Variants in DST observed in about 807,000 individuals in gnomAD.
DST encodes the protein bullous pemphigoid antigen.
Under a neutral mutation model 875.2 loss-of-function variants are expected in DST, and 253 were observed. The observed-to-expected ratio is 0.29, with a 90% CI of 0.26 to 0.32. The LOEUF is 0.32. DST is among the 10% of genes least tolerant of loss of function. DST has a pLI of 1.00. For missense variants in DST, 8,287 were observed against 9,111.6 expected (o/e 0.91, Z 3.68); for synonymous variants, 3,124 against 3,197.1 (o/e 0.98, Z 0.77).
chr6:56,932,743 T>G (rs1399978230), intron 2 of DST, among the ~76,000 whole-genome samples: 6 of 151,714 alleles, frequency 4.0e-5, no homozygotes, highest in Non-Finnish European at 8.8e-5. Context: ...TGCCTTGGTG[T>G]GTAAATCCCC....
Position 56,738,562 on chromosome 6 carries a change from G to A in DST, c.626-3273C>T, listed in dbSNP as rs928460789. Among the ~76,000 whole-genome samples the A allele has an allele frequency of 3.9e-5, 6 of 152,042 alleles. No individual in the cohort carries two copies. The East Asian group carries it at 9.7e-4, about 25-fold the overall frequency. ...GTCTCAATCTCCTGACCTCGTGATC[G>A]GCCCGCCTCAGCCTCCCAAAGTGCT... On this transcript the variant is annotated intron_variant, in intron 4 of 103. Transcript: ENST00000680361.
chr6:56,464,769 A>G lies in DST; in HGVS notation c.22688-13T>C, dbSNP rs758794693. ...CCATGATGATGAACTAGAAAAAATG[A>G]CACAGGATACCAATCACATTAAAGA... On this transcript the variant is annotated splice_polypyrimidine_tract_variant and intron_variant, in intron 99 of 103. Transcript: ENST00000680361. The G allele has an allele frequency of 2.5e-5, 39 of 1,571,806 alleles. No homozygotes were observed. The highest frequency in any genetic ancestry group is 3.3e-5 in the Non-Finnish European group (38 of 1,152,556).
At chr6:56,619,961 T>C in intron 36 of DST, 1 of 1,614,138 alleles carries the variant, frequency 6.2e-7, no homozygotes, top group Non-Finnish European at 8.5e-7. Context: ...TGCTTTCTGC[T>C]TGTCATGTTC....
At chr6:56,916,755 C>CTA (rs1801174571) in intron 2 of DST, among the ~76,000 whole-genome samples, 1 of 74,410 alleles carries the variant, frequency 1.3e-5, no homozygotes, top group Non-Finnish European at 2.4e-5. Context: ...CTCTCTCTAT[C>CTA]TCTCTCTCTC....
intron 36 of DST, chr6:56,620,358 C>G: frequency 6.2e-7 from 1 of 1,614,176 alleles, no homozygotes. Context: ...GCTCTTTTAG[C>G]CTCGGCCTCT....
intron 69 of DST, among the ~76,000 whole-genome samples, chr6:56,522,294 T>G (rs895091792): frequency 6.6e-6 from 1 of 152,114 alleles, no homozygotes; most frequent in Non-Finnish European, 1.5e-5. Flanking sequence ...TACCAAAGAC[T>G]ACTCAGGTAG....
intron 32 of DST, 132 bp downstream of exon 32, chr6:56,629,118 G>A: frequency 1.2e-6 from 1 of 843,966 alleles, no homozygotes; most frequent in Non-Finnish European, 1.9e-6. Context: ...AAGAAATATG[G>A]CTAAGTAGAG....
chr6:56,609,526 A>G (rs1405297432), intron 39 of DST, among the ~76,000 whole-genome samples, 182 bp from the exon 40 acceptor site: 1 of 152,230 alleles, frequency 6.6e-6, no homozygotes, highest in East Asian at 1.9e-4. Flanking sequence ...TATGTCAGTG[A>G]TCTATTCAAC....
chr6:56,704,932 A>T (rs780794569), intron 5 of DST, among the ~76,000 whole-genome samples: 1 of 152,138 alleles, frequency 6.6e-6, no homozygotes, highest in Non-Finnish European at 1.5e-5. Flanking sequence ...CTCTGTCCAA[A>T]CCCTTCCTCT....
At chr6:56,520,208 A>G (rs965444930) in intron 69 of DST, among the ~76,000 whole-genome samples, 16 of 150,204 alleles carry the variant, frequency 1.1e-4, no homozygotes, top group Non-Finnish European at 2.1e-4. Context: ...CCCAAACTGA[A>G]TAATAGAAAA....
chr6:56,849,101 T>C lies in DST; in HGVS notation c.625+2296A>G, dbSNP rs565235429. On this transcript the variant is annotated intron_variant, in intron 4 of 103. Transcript: ENST00000680361. Reference sequence around the variant, plus strand: ...GCTTCCCTACTGTTTGTTGTTTCATTTTATTTTTTTCTGCTTTTGAAGAAT... The same window carrying C: ...GCTTCCCTACTGTTTGTTGTTTCATCTTATTTTTTTCTGCTTTTGAAGAAT... Among the ~76,000 whole-genome samples the C allele has an allele frequency of 3.9e-5, 6 of 152,082 alleles. No individual in the cohort carries two copies. In the South Asian group the frequency reaches 8.3e-4, roughly 21 times the overall value.
At chr6:56,633,289 G>C (rs1224792483) in intron 27 of DST, among the ~76,000 whole-genome samples, 2 of 147,062 alleles carry the variant, frequency 1.4e-5, no homozygotes, top group Non-Finnish European at 3.0e-5. Flanking sequence ...TGCAGTGGCG[G>C]GATCTCGGCT....
intron 9 of DST, among the ~76,000 whole-genome samples, chr6:56,691,370 T>C (rs970148589): frequency 6.6e-6 from 1 of 152,118 alleles, no homozygotes; most frequent in East Asian, 1.9e-4. Flanking sequence ...TAGCGGTGTA[T>C]ATAAACAGGA....
At chr6:56,599,661 T>C (rs1249958934) in intron 45 of DST, among the ~76,000 whole-genome samples, 2 of 151,838 alleles carry the variant, frequency 1.3e-5, no homozygotes, top group African/African-American at 2.4e-5. Context: ...TTTCCTTCAA[T>C]AAAAAGGAAC....
intron 5 of DST, among the ~76,000 whole-genome samples, chr6:56,706,660 G>T (rs2099340373): frequency 6.6e-6 from 1 of 152,088 alleles, no homozygotes; most frequent in Admixed American, 6.5e-5. Flanking sequence ...TCAGGCATTG[G>T]ATTCTCATAA....
At chr6:56,580,555 A>AAAAT (rs3031091) in intron 49 of DST, among the ~76,000 whole-genome samples, 49,657 of 146,392 alleles carry the variant, frequency 0.34, 8,804 homozygotes, top group Middle Eastern at 0.41. Flanking sequence ...CTACTTTCTT[A>AAAAT]AAATAAATAA....
chr6:56,658,917 G>C (rs1394706102), intron 10 of DST, among the ~76,000 whole-genome samples: 1 of 152,226 alleles, frequency 6.6e-6, no homozygotes, highest in Non-Finnish European at 1.5e-5. Flanking sequence ...ACCAGTGCAT[G>C]AGTGGGGAGC....
chr6:56,800,924 A>C (rs1264469539), intron 4 of DST, among the ~76,000 whole-genome samples: 1 of 149,798 alleles, frequency 6.7e-6, no homozygotes, highest in Non-Finnish European at 1.5e-5. Context: ...GGAGGCTGAA[A>C]TGGGAGGATC....
At chr6:56,499,382 T>C (rs996504000) in intron 80 of DST, among the ~76,000 whole-genome samples, 4 of 152,142 alleles carry the variant, frequency 2.6e-5, no homozygotes, top group Admixed American at 6.5e-5. Context: ...GTTATCTTTA[T>C]AGAAAGCACT....
Sources: gnomAD v4.1 joint callset for allele counts (sites outside exome capture counted in the v4.1 genomes callset) on GRCh38, gnomAD v4.1.1 for gene constraint, MANE v1.5 for transcripts, NCBI Gene and HGNC (gene_info 2026-07-23, HGNC 2026-07-21) for gene names.